The following CYP3A7 variants were observed in gnomAD, a reference collection of about 807,000 sequenced individuals.
CYP3A7 encodes the protein cytochrome P450 family 3 subfamily A member 7.
A neutral mutation model predicts 55.2 loss-of-function variants in CYP3A7; 45 were observed. That is an observed-to-expected ratio of 0.82 (90% CI 0.64 to 1.05). The LOEUF (loss-of-function observed/expected upper bound fraction) is 1.05, where lower values mean the gene tolerates loss of function less well. Among genes scored for constraint, CYP3A7 ranks in the 50% least tolerant of loss-of-function variants. CYP3A7 has a pLI of 0.00. For synonymous variants in CYP3A7, 180 were observed against 207.4 expected (o/e 0.87, Z 1.13); for missense variants, 548 against 605.3 (o/e 0.91, Z 0.99).
At chr7:99,706,189 C>A (rs1209005074) in intron 12 of CYP3A7, among the ~76,000 whole-genome samples, 3 of 152,186 alleles carry the variant, frequency 2.0e-5, no homozygotes, top group East Asian at 3.8e-4. Flanking sequence ...TCAATTCCTA[C>A]AGTGTTTTGA....
At chr7:99,717,287 A>G in intron 5 of CYP3A7, 22 bp from the exon 6 acceptor site, 4 of 1,613,662 alleles carry the variant, frequency 2.5e-6, no homozygotes, top group Non-Finnish European at 3.4e-6. Context: ...ACACAACACC[A>G]CCCATAGTTA....
Position 99,705,534 on chromosome 7 carries a change from G to C in CYP3A7, c.1478C>G (p.Ala493Gly). Residue 493 changes from alanine to glycine, a missense_variant, in exon 13 of 13, where the codon GCT becomes GGT. Ala to Gly is a moderately conservative substitution (Grantham distance 60). Transcript: ENST00000336374. Reference sequence around the variant, plus strand: ...ACTTACGGTCTCATCCCTTGACTCAGCCTTTAGAACAATGGGTTTTTCTGT... The same window carrying C: ...ACTTACGGTCTCATCCCTTGACTCACCCTTTAGAACAATGGGTTTTTCTGT... ...LLTEKPIVLK[A>G]ESRDETVSGA The C allele has an allele frequency of 6.2e-7, 1 of 1,613,648 alleles. No homozygotes were observed. Among genetic ancestry groups the C allele is most frequent in the Admixed American group, 1.7e-5 (1 of 59,976 alleles).
At chr7:99,734,175 C>T (rs1013391193) in intron 1 of CYP3A7, among the ~76,000 whole-genome samples, 18 of 152,218 alleles carry the variant, frequency 1.2e-4, no homozygotes, top group Admixed American at 3.9e-4. Context: ...GAATTGCTAA[C>T]TTTTCTGTGA....
rs77522201 is a variant in CYP3A7, at chr7:99,733,626, C to T, written c.71+1397G>A. ...CACACACAGAGTGACACTGATGGTG[C>T]CCTTGTGTCCAGGCTTCAAGCAGAT... On this transcript the variant is annotated intron_variant, in intron 1 of 12. Coordinates refer to ENST00000336374, the MANE Select transcript of CYP3A7 (RefSeq NM_000765.5). 2.1e-3 allele frequency among the ~76,000 whole-genome samples: 324 copies of T among 152,232 alleles called. 2 individuals are homozygous for T. Among genetic ancestry groups the T allele is most frequent in the African/African-American group, 7.3e-3 (303 of 41,540 alleles).
intron 2 of CYP3A7, among the ~76,000 whole-genome samples, chr7:99,728,862 G>C (rs1263840484): frequency 1.3e-5 from 2 of 151,914 alleles, no homozygotes; most frequent in Non-Finnish European, 1.5e-5. Context: ...TTTTCTGCTA[G>C]CATTACAGAT....
intron 2 of CYP3A7, among the ~76,000 whole-genome samples, chr7:99,725,387 G>T (rs1430397613): frequency 6.6e-6 from 1 of 152,180 alleles, no homozygotes; most frequent in African/African-American, 2.4e-5. Flanking sequence ...TAATAGAGAA[G>T]AGGCGGCCAA....
In CYP3A7 at chr7:99,705,495, G is replaced by A. The variant is rs1330472312; in HGVS notation, c.*5C>T. On this transcript the variant is annotated 3_prime_UTR_variant, in exon 13 of 13. Transcript: ENST00000336374. The stretch of plus-strand genomic sequence containing the variant: ...TAAAGAGCAAACCAGAAGTCCTTAG[G>A]GAAATCAGGCTCCACTTACGGTCTC... 1 of 1,613,218 alleles carries A rather than the reference G, an allele frequency of 6.2e-7. No homozygotes were observed.
At chr7:99,728,166 A>G (rs776333359) in intron 2 of CYP3A7, among the ~76,000 whole-genome samples, 17 of 152,198 alleles carry the variant, frequency 1.1e-4, no homozygotes, top group Non-Finnish European at 2.4e-4. Context: ...TCTTAGACCA[A>G]GAAAAATATC....
rs746884273 is a variant in CYP3A7, at chr7:99,710,715, A to G, written c.1026+17T>C. On this transcript the variant is annotated intron_variant, in intron 10 of 12. Transcript: ENST00000336374. ...GGCTTCACCTCCTCCCTCCTTCTCC[A>G]TGTACTGTCCACTCACCTTATTGGG... 51 of 1,613,662 alleles carry G rather than the reference A, an allele frequency of 3.2e-5. No individual in the cohort carries two copies. Among genetic ancestry groups the G allele is most frequent in the Middle Eastern group, 1.6e-4 (1 of 6,076 alleles).
In CYP3A7 at chr7:99,722,226, A is replaced by G. The variant is rs374253723; in HGVS notation, c.218+70T>C. 86 of 1,595,690 alleles carry G rather than the reference A, an allele frequency of 5.4e-5. No individual in the cohort carries two copies. The East Asian group carries it at 6.5e-4, about 12-fold the overall frequency. ...TCGCAAGAGGCTCTGGGCTGAGACT[A>G]TCCTCTGTGCAGTGGGGTAAACTCA... is the stretch of plus-strand genomic sequence containing the variant. On this transcript the variant is annotated intron_variant, in intron 3 of 12. Transcript: ENST00000336374.
chr7:99,735,030 G>T lies in CYP3A7; in HGVS notation c.64C>A (p.Leu22Ile). The change falls in exon 1 of 13, where the codon CTC becomes ATC. Residue 22 changes from leucine (L) to isoleucine (I), a missense_variant. Physicochemically the swap from Leu to Ile is conservative, Grantham distance 5. Coordinates refer to ENST00000336374, the MANE Select transcript of CYP3A7 (RefSeq NM_000765.5). ...WLLLAVSLILLYLYGTRTHGL... is the reference protein window; with the variant it reads ...WLLLAVSLILIYLYGTRTHGL... ...GCCTGAACAGTTACTCACAGATAGA[G>T]GAGTATCAGGCTGACAGCCAGGAGA... is the stretch of plus-strand genomic sequence containing the variant. 6.2e-7 allele frequency: 1 copy of T among 1,614,102 alleles called. No individual in the cohort carries two copies. The highest frequency in any genetic ancestry group is 8.5e-7 in the Non-Finnish European group (1 of 1,179,978).
At position 99,707,032 on chromosome 7, in the gene CYP3A7, A is replaced by C. The variant is rs1386390140; in HGVS notation, c.1416+780T>G. ...CCAGTAACTAATAACAGAGCAGAGG[A>C]GTAAATGAGCCCTGGACTAGGTCAA... On this transcript the variant is annotated intron_variant, in intron 12 of 12. Transcript: ENST00000336374. Among the ~76,000 whole-genome samples the C allele has an allele frequency of 2.6e-5, 4 of 152,362 alleles. No individual in the cohort carries two copies. In the East Asian group the frequency reaches 7.7e-4, roughly 29 times the overall value.
At chr7:99,709,767 T>C (rs1813673181) in intron 10 of CYP3A7, among the ~76,000 whole-genome samples, 1 of 67,462 alleles carries the variant, frequency 1.5e-5, no homozygotes, top group Non-Finnish European at 5.4e-5. Context: ...GGATTTGTAT[T>C]ATATATATGT....
intron 4 of CYP3A7, among the ~76,000 whole-genome samples, chr7:99,718,255 TA>T (rs1466503899): frequency 6.6e-6 from 1 of 152,088 alleles, no homozygotes; most frequent in Non-Finnish European, 1.5e-5. Context: ...ACATGTACCC[TA>T]AAAAAAGTAT....
chr7:99,717,687 C>G (rs757487007), intron 4 of CYP3A7, 48 bp from the exon 5 acceptor site: 1 of 1,603,344 alleles, frequency 6.2e-7, no homozygotes, highest in Non-Finnish European at 8.5e-7. Flanking sequence ...TTGTGGAGGT[C>G]TCCATGGTTG....
At chr7:99,710,257 A>C (rs1813698727) in intron 10 of CYP3A7, among the ~76,000 whole-genome samples, 1 of 152,224 alleles carries the variant, frequency 6.6e-6, no homozygotes, top group Non-Finnish European at 1.5e-5. Flanking sequence ...CTCAGAAGTC[A>C]GATACCCTGG....
chr7:99,708,993 C>G, intron 11 of CYP3A7, 42 bp downstream of exon 11: 1 of 1,609,830 alleles, frequency 6.2e-7, no homozygotes, highest in Non-Finnish European at 8.5e-7. Context: ...ATGCTTGAAC[C>G]AGGCTGGTTC....
intron 9 of CYP3A7, among the ~76,000 whole-genome samples, chr7:99,712,735 C>G (rs999530333): frequency 6.6e-6 from 1 of 152,156 alleles, no homozygotes; most frequent in African/African-American, 2.4e-5. Context: ...TACTCCTGCT[C>G]TCTAGAACCA....
chr7:99,728,837 A>G (rs141386309), intron 2 of CYP3A7, among the ~76,000 whole-genome samples: 57 of 152,070 alleles, frequency 3.7e-4, no homozygotes, highest in Non-Finnish European at 6.9e-4. Context: ...AACTTTCTGT[A>G]GCCTTTCTAA....
Sources: allele counts gnomAD v4.1 joint callset (sites outside exome capture counted in the v4.1 genomes callset), GRCh38; gene constraint gnomAD v4.1.1; transcripts MANE v1.5; gene names NCBI Gene and HGNC (gene_info 2026-07-23, HGNC 2026-07-21).